ANKRD30BL: variants seen among roughly 807,000 people sequenced by gnomAD.
ANKRD30BL encodes the protein ankyrin repeat domain 30B like, also known as putative ankyrin repeat domain-containing protein 30B-like.
ANKRD30BL carries 20 observed loss-of-function variants against 18.4 expected under a neutral mutation model. The observed-to-expected ratio is 1.09, with a 90% CI of 0.77 to 1.58. The LOEUF is 1.58. Ranked by LOEUF, ANKRD30BL falls within the 40% of genes most tolerant of loss-of-function variation. ANKRD30BL has a pLI of 0.00. For missense variants in ANKRD30BL, 224 were observed against 268.6 expected, an observed-to-expected ratio of 0.83 and a Z score of 1.16; for synonymous variants, 72 against 100.9, an observed-to-expected ratio of 0.71 and a Z score of 1.72.
At chr2:132,214,089 ACT>A (rs1461751420) in intron 1 of ANKRD30BL, among the ~76,000 whole-genome samples, 1 of 148,770 alleles carries the variant, frequency 6.7e-6, no homozygotes, top group Non-Finnish European at 1.5e-5. Flanking sequence ...GCTTTGAAAC[ACT>A]CTTTTTGTAG....
At chr2:132,236,633 T>A (rs1442631896) in intron 1 of ANKRD30BL, among the ~76,000 whole-genome samples, 1 of 152,144 alleles carries the variant, frequency 6.6e-6, no homozygotes, top group African/African-American at 2.4e-5. Context: ...CAACACATGC[T>A]GGAGACGATG....
At position 132,250,186 on chromosome 2, in the gene ANKRD30BL, G is replaced by A. The variant is rs542482618; in HGVS notation, n.441+7343C>T. Reference sequence around the variant, plus strand: ...TTCCTTTTTCACCATAGACCTCAAAGCACTCACAAATATCACTTTGCAGAT... The same window carrying A: ...TTCCTTTTTCACCATAGACCTCAAAACACTCACAAATATCACTTTGCAGAT... On this transcript the variant is annotated intron_variant and non_coding_transcript_variant, in intron 1 of 4. Transcript: ENST00000470729. Among the ~76,000 whole-genome samples the A allele has an allele frequency of 3.9e-4, 60 of 152,172 alleles. 2 individuals are homozygous for A. The highest frequency in any genetic ancestry group is 3.8e-3 in the Admixed American group (58 of 15,274).
At chr2:132,149,743 T>C (rs2104914546) in intron 5 of ANKRD30BL, among the ~76,000 whole-genome samples, 1 of 152,314 alleles carries the variant, frequency 6.6e-6, no homozygotes, top group South Asian at 2.1e-4. Context: ...CCTTTGCCAC[T>C]GCAAGATACT....
chr2:132,239,553 A>G (rs1680252927), intron 1 of ANKRD30BL, among the ~76,000 whole-genome samples: 1 of 151,910 alleles, frequency 6.6e-6, no homozygotes, highest in Non-Finnish European at 1.5e-5. Flanking sequence ...TTCTTTTGAT[A>G]GAGCAGTTTT....
intron 4 of ANKRD30BL, among the ~76,000 whole-genome samples, chr2:132,154,428 A>G (rs1245145876): frequency 2.6e-5 from 4 of 152,248 alleles, no homozygotes; most frequent in Non-Finnish European, 2.9e-5. Flanking sequence ...CAAAAACATC[A>G]GATTAAAAAT....
chr2:132,162,686 C>A (rs1218491674), upstream of ANKRD30BL, among the ~76,000 whole-genome samples: 5 of 152,256 alleles, frequency 3.3e-5, no homozygotes, highest in Admixed American at 6.5e-5. Context: ...ACGGTAGAGG[C>A]TGCAGGGCTG....
At chr2:132,256,856 A>C (rs1680861130) in intron 1 of ANKRD30BL, 1 of 431,732 alleles carries the variant, frequency 2.3e-6, no homozygotes, top group African/African-American at 2.0e-5. Context: ...TAAGGCGGTG[A>C]GCCGCTCGGG....
chr2:132,231,884 A>C (rs113360602), intron 1 of ANKRD30BL, among the ~76,000 whole-genome samples: 1 of 152,216 alleles, frequency 6.6e-6, no homozygotes, highest in African/African-American at 2.4e-5. Context: ...CCTCTGGGGG[A>C]AGGGCACAGA....
At chr2:132,217,435 T>C (rs1272943156) in intron 1 of ANKRD30BL, among the ~76,000 whole-genome samples, 7 of 152,000 alleles carry the variant, frequency 4.6e-5, no homozygotes, top group Non-Finnish European at 7.4e-5. Flanking sequence ...GGAAATGTCC[T>C]CACATAAAAT....
At chr2:132,151,910 T>C (rs2104917837) in intron 4 of ANKRD30BL, among the ~76,000 whole-genome samples, 1 of 152,296 alleles carries the variant, frequency 6.6e-6, no homozygotes, top group East Asian at 1.9e-4. Flanking sequence ...TCTACCTCCT[T>C]AAACTCTGAA....
At chr2:132,161,058 G>A (rs1171493637) in intron 1 of ANKRD30BL, among the ~76,000 whole-genome samples, 7 of 139,412 alleles carry the variant, frequency 5.0e-5, no homozygotes, top group Non-Finnish European at 1.1e-4. Flanking sequence ...AAAATTTTTA[G>A]CCAAGAAGTT....
intron 1 of ANKRD30BL, among the ~76,000 whole-genome samples, chr2:132,207,765 T>A (rs1165496623): frequency 6.6e-6 from 1 of 151,602 alleles, no homozygotes; most frequent in East Asian, 1.9e-4. Context: ...AGGGTGGGAG[T>A]GTGTCAGGAG....
intron 1 of ANKRD30BL, among the ~76,000 whole-genome samples, chr2:132,209,007 C>G (rs1344299622): frequency 6.6e-6 from 1 of 152,112 alleles, no homozygotes; most frequent in Non-Finnish European, 1.5e-5. Flanking sequence ...AAGTAAATAT[C>G]TTCACATCAA....
chr2:132,148,537 A>AT (rs1214105302), intron 5 of ANKRD30BL, among the ~76,000 whole-genome samples: 35 of 151,228 alleles, frequency 2.3e-4, no homozygotes, highest in African/African-American at 8.0e-4. Flanking sequence ...GGCCCAGCTA[A>AT]TTTTTTGTAT....
chr2:132,213,429 A>AG (rs111495462), intron 1 of ANKRD30BL, among the ~76,000 whole-genome samples: 15,014 of 131,876 alleles, frequency 0.11, 1,733 homozygotes, highest in African/African-American at 0.38. Context: ...AGAACCCGCA[A>AG]GGGACATTTG....
chr2:132,210,261 C>A (rs569312749), intron 1 of ANKRD30BL, among the ~76,000 whole-genome samples: 1 of 151,928 alleles, frequency 6.6e-6, no homozygotes, highest in East Asian at 1.9e-4. Flanking sequence ...ATTCATGTCT[C>A]AGAGATGAAC....
intron 1 of ANKRD30BL, among the ~76,000 whole-genome samples, chr2:132,255,773 A>G (rs1488810871): frequency 6.6e-6 from 1 of 152,016 alleles, no homozygotes; most frequent in Non-Finnish European, 1.5e-5. Context: ...CCAGAATTGA[A>G]CCCTGATTCC....
intron 1 of ANKRD30BL, among the ~76,000 whole-genome samples, chr2:132,222,409 G>A (rs1166101064): frequency 6.6e-6 from 1 of 152,022 alleles, no homozygotes; most frequent in Non-Finnish European, 1.5e-5. Context: ...GAAGGTTGGG[G>A]AAAAAATTGA....
intron 1 of ANKRD30BL, among the ~76,000 whole-genome samples, chr2:132,210,605 G>A (rs1383118170): frequency 6.6e-6 from 1 of 151,722 alleles, no homozygotes; most frequent in Non-Finnish European, 1.5e-5. Flanking sequence ...TCATCTCACA[G>A]AATTGAAACT....
Sources: allele counts gnomAD v4.1 joint callset (sites outside exome capture counted in the v4.1 genomes callset), GRCh38; gene constraint gnomAD v4.1.1; transcripts MANE v1.5; gene names NCBI Gene and HGNC (gene_info 2026-07-23, HGNC 2026-07-21).